Variants in MTNAP1 observed in about 807,000 individuals in gnomAD.
MTNAP1 encodes mitochondrial nucleoid-associated protein 1.
the MTNAP1 span, chr17:73,245,022 GA>G: frequency 1.4e-6 from 1 of 695,046 alleles, no homozygotes; most frequent in African/African-American, 1.8e-5. Context: ...AGAGACTGAA[GA>G]AAGTGAAACA....
chr17:73,245,837 A>G, the MTNAP1 span: 6 of 542,310 alleles, frequency 1.1e-5, no homozygotes, highest in Middle Eastern at 8.8e-4. Flanking sequence ...ATAATAATGA[A>G]CCGGTGGCTA....
At chr17:73,240,028 C>T in the MTNAP1 span, among the ~76,000 whole-genome samples, 1 of 152,192 alleles carries the variant, frequency 6.6e-6, no homozygotes, top group Non-Finnish European at 1.5e-5. Flanking sequence ...AGTTTAAAGA[C>T]CACAGATAGA....
the MTNAP1 span, chr17:73,232,578 A>C: frequency 1.3e-5 from 5 of 391,866 alleles, no homozygotes; most frequent in Admixed American, 2.2e-4. Flanking sequence ...TCCGTGTAAC[A>C]TATTTTAAAA....
the MTNAP1 span, chr17:73,232,985 G>A: frequency 6.6e-6 from 1 of 152,406 alleles, no homozygotes; most frequent in Non-Finnish European, 1.5e-5. Context: ...GGAAAGGAAG[G>A]GTGCGGGGAG....
At chr17:73,233,872 C>A in the MTNAP1 span, among the ~76,000 whole-genome samples, 2 of 146,966 alleles carry the variant, frequency 1.4e-5, no homozygotes, top group Non-Finnish European at 3.0e-5. Context: ...GACTCCATCT[C>A]AAAAAAAAAA....
chr17:73,239,563 G>C, the MTNAP1 span, among the ~76,000 whole-genome samples: 5 of 142,976 alleles, frequency 3.5e-5, no homozygotes, highest in Non-Finnish European at 6.0e-5. Context: ...CTGTCTCCCA[G>C]GCTGGAGTGC....
At chr17:73,238,921 C>CTGTGTT in the MTNAP1 span, among the ~76,000 whole-genome samples, 3 of 150,860 alleles carry the variant, frequency 2.0e-5, no homozygotes, top group Admixed American at 6.6e-5. Context: ...CCATACTTTT[C>CTGTGTT]TGTGTGTGTG....
chr17:73,243,077 ATTTTTTTTT>A, the MTNAP1 span: 34 of 437,852 alleles, frequency 7.8e-5, no homozygotes, highest in East Asian at 8.9e-4. Context: ...GATTCTCTGA[ATTTTTTTTT>A]TTTTTTTTTT....
the MTNAP1 span, chr17:73,236,547 G>A: frequency 1.2e-6 from 2 of 1,614,188 alleles, no homozygotes; most frequent in South Asian, 2.2e-5. Context: ...ATTTAAGTTT[G>A]TTCATTCCGA....
At chr17:73,245,267 A>G in the MTNAP1 span, 1 of 1,551,454 alleles carries the variant, frequency 6.4e-7, no homozygotes, top group Non-Finnish European at 8.7e-7. Context: ...CATACTTAAC[A>G]GTTTAAAAAT....
At chr17:73,242,920 TAAGG>T in the MTNAP1 span, 19 of 1,613,810 alleles carry the variant, frequency 1.2e-5, no homozygotes, top group East Asian at 8.9e-5. Context: ...AACACCACCA[TAAGG>T]AAGAGTGGAT....
At chr17:73,234,951 C>T in the MTNAP1 span, among the ~76,000 whole-genome samples, 2 of 152,124 alleles carry the variant, frequency 1.3e-5, no homozygotes, top group African/African-American at 4.8e-5. Flanking sequence ...CGTGGTAGCT[C>T]GCGCCTGTAA....
the MTNAP1 span, chr17:73,248,484 G>A: frequency 6.4e-7 from 1 of 1,551,634 alleles, no homozygotes. Flanking sequence ...CGCTAGGTAA[G>A]AAGCAACGCT....
the MTNAP1 span, chr17:73,235,645 A>T: frequency 2.5e-6 from 4 of 1,614,200 alleles, no homozygotes; most frequent in Non-Finnish European, 3.4e-6. Context: ...TGCTAAAAAG[A>T]TGAAAGGACC....
At chr17:73,243,384 C>T in the MTNAP1 span, among the ~76,000 whole-genome samples, 2 of 151,996 alleles carry the variant, frequency 1.3e-5, no homozygotes, top group African/African-American at 4.8e-5. Context: ...GAACTGCCGA[C>T]CTCAGGTGAT....
the MTNAP1 span, chr17:73,247,467 C>A: frequency 8.4e-5 from 74 of 886,182 alleles, no homozygotes; most frequent in Non-Finnish European, 9.0e-6. Flanking sequence ...CTTTTCAGCC[C>A]TCAAGGTTAT....
At chr17:73,243,207 T>C in the MTNAP1 span, 1 of 583,226 alleles carries the variant, frequency 1.7e-6, no homozygotes, top group Non-Finnish European at 3.1e-6. Context: ...CAGGCTGGAG[T>C]GCAATGGCAC....
At chr17:73,240,739 G>C in the MTNAP1 span, among the ~76,000 whole-genome samples, 2 of 152,358 alleles carry the variant, frequency 1.3e-5, no homozygotes, top group East Asian at 1.9e-4. Flanking sequence ...GGTCAGGACA[G>C]TAGGCTCACC....
chr17:73,242,082 T>C, the MTNAP1 span, among the ~76,000 whole-genome samples: 1 of 152,204 alleles, frequency 6.6e-6, no homozygotes, highest in African/African-American at 2.4e-5. Context: ...TGTAATTGAT[T>C]TGACTTTCAA....
Sources: allele counts gnomAD v4.1 joint callset (sites outside exome capture counted in the v4.1 genomes callset), GRCh38; gene constraint gnomAD v4.1.1; transcripts MANE v1.5; gene names NCBI Gene and HGNC (gene_info 2026-07-23, HGNC 2026-07-21).